BIRC6: variants seen among roughly 807,000 people sequenced by gnomAD.
The protein encoded by BIRC6 is dual E2 ubiquitin-conjugating enzyme/E3 ubiquitin-protein ligase BIRC6.
Under a neutral mutation model 503.3 loss-of-function variants are expected in BIRC6, and 98 were observed. That is an observed-to-expected ratio of 0.19 (90% confidence interval 0.17 to 0.23). BIRC6 has a LOEUF of 0.23. BIRC6 is among the 10% of genes least tolerant of loss of function. The pLI, the probability that BIRC6 is intolerant of heterozygous loss-of-function variation, is 1.00. For missense variants in BIRC6, 5,360 were observed against 5,806.0 expected (o/e 0.92, Z 2.50); for synonymous variants, 2,240 against 2,078.7 (o/e 1.08, Z -2.11).
Position 32,377,894 on chromosome 2 carries a change from T to C in BIRC6, c.507+125T>C. On this transcript the variant is annotated intron_variant, in intron 2 of 73. Transcript: ENST00000421745. ...ATATATTGCTATAAAAACAATTTAC[T>C]TATTGACCACAACTTCATTTAAATA... 5.2e-6 allele frequency: 4 copies of C among 769,882 alleles called. No individual in the cohort carries two copies. The South Asian group carries it at 7.1e-5, about 14-fold the overall frequency. The allele number at this position is 769,882 out of a possible 1,614,324, so 47.7% of individuals were successfully genotyped here. A position where few individuals can be genotyped will look rare whatever the true frequency, so the allele number is the denominator to read the frequency against.
chr2:32,409,150 G>T (rs2041575743), intron 9 of BIRC6, among the ~76,000 whole-genome samples: 1 of 150,600 alleles, frequency 6.6e-6, no homozygotes, highest in South Asian at 2.1e-4. Context: ...TTTATTTTCT[G>T]TTTTTTTTTG....
intron 66 of BIRC6, among the ~76,000 whole-genome samples, chr2:32,592,451 C>T (rs1297300753): frequency 2.0e-5 from 3 of 152,134 alleles, no homozygotes; most frequent in Non-Finnish European, 2.9e-5. Context: ...TTCATTTATT[C>T]TTCCTACCCA....
intron 65 of BIRC6, chr2:32,558,980 T>G (rs2058972704): frequency 6.6e-6 from 1 of 152,248 alleles, no homozygotes; most frequent in Admixed American, 6.5e-5. Flanking sequence ...TATGGTTATT[T>G]CTTTTGAATT....
rs1167762737 is a variant in BIRC6 at position 32,553,027 on chromosome 2, AAAAAC to A, written c.13144+3550_13144+3554del. 8.8e-3 allele frequency among the ~76,000 whole-genome samples: 1,314 copies of A among 149,524 alleles called. 16 individuals carry two copies. Among genetic ancestry groups the A allele is most frequent in the African/African-American group, 0.03 (1,253 of 41,138 alleles). On this transcript the variant is annotated intron_variant, in intron 65 of 73. Transcript: ENST00000421745. The stretch of plus-strand genomic sequence containing the variant: ...CATCATTTTATCTCTACTAAAAAAA[AAAAAC>A]AAACAAAAAACAAAATTAGCCAGAT...
intron 43 of BIRC6, 149 bp downstream of exon 43, chr2:32,490,300 C>T (rs1193778280): frequency 2.0e-5 from 13 of 646,546 alleles, no homozygotes; most frequent in Non-Finnish European, 2.9e-5. Flanking sequence ...GTAAACCCAG[C>T]ACTTTGGGAG....
intron 6 of BIRC6, among the ~76,000 whole-genome samples, chr2:32,400,633 G>A (rs1422223609): frequency 1.3e-5 from 2 of 151,956 alleles, no homozygotes; most frequent in African/African-American, 2.4e-5. Context: ...CACCGCACCC[G>A]GCTGCCTTCA....
chr2:32,493,152 C>T (rs2051961961), intron 44 of BIRC6, among the ~76,000 whole-genome samples: 1 of 151,572 alleles, frequency 6.6e-6, no homozygotes, highest in East Asian at 1.9e-4. Flanking sequence ...CTCTCTGCTC[C>T]TGAGTTATTT....
chr2:32,411,413 AT>A (rs2041860625), intron 9 of BIRC6, among the ~76,000 whole-genome samples: 1 of 146,488 alleles, frequency 6.8e-6, no homozygotes, highest in Non-Finnish European at 1.5e-5. Context: ...ATATATATAT[AT>A]ATATTTTATT....
At chr2:32,580,065 T>C (rs2060566014) in intron 66 of BIRC6, among the ~76,000 whole-genome samples, 1 of 151,998 alleles carries the variant, frequency 6.6e-6, no homozygotes, top group African/African-American at 2.4e-5. Context: ...GCAATTCTCT[T>C]GCTTCAGCCT....
rs1375645506 is a variant in BIRC6, at chr2:32,468,741, T to C, written c.6085T>C (p.Tyr2029His). The change falls in exon 29 of 74, where the codon TAT (tyrosine) becomes CAT (histidine). Residue 2029 changes from tyrosine to histidine, a missense_variant. Physicochemically the swap from Tyr to His is moderately conservative, Grantham distance 83. Coordinates refer to ENST00000421745, the MANE Select transcript of BIRC6 (RefSeq NM_016252.4). ...AGAGCAGTTACGTACTATCATCAGA[T>C]ATTTACTGGACACTTTGCTCAGCCT... ...STEQLRTIIR[Y>H]LLDTLLSLLH... The C allele has an allele frequency of 1.2e-6, 2 of 1,611,758 alleles. No homozygotes were observed. Among genetic ancestry groups the C allele is most frequent in the Admixed American group, 1.7e-5 (1 of 59,902 alleles).
chr2:32,460,113 G>A (rs926655701), intron 23 of BIRC6, among the ~76,000 whole-genome samples: 14 of 144,474 alleles, frequency 9.7e-5, no homozygotes, highest in African/African-American at 3.5e-4. Flanking sequence ...GGTAATAGTA[G>A]TACTCATCTT....
chr2:32,430,826 T>TTTTTTTTTC (rs1553421812), intron 11 of BIRC6, 39 bp from the exon 12 acceptor site: 1 of 936,836 alleles, frequency 1.1e-6, no homozygotes. Context: ...TTTTTTTTTT[T>TTTTTTTTTC]CCACACCTAT....
intron 62 of BIRC6, among the ~76,000 whole-genome samples, chr2:32,545,441 G>A (rs1382102343): frequency 1.3e-5 from 2 of 152,110 alleles, no homozygotes; most frequent in Middle Eastern, 6.8e-3. Context: ...TATGTATACC[G>A]TGTCTGACAG....
chr2:32,488,434 T>G (rs1249193240), intron 41 of BIRC6, among the ~76,000 whole-genome samples, 154 bp from the exon 42 acceptor site: 1 of 152,226 alleles, frequency 6.6e-6, no homozygotes, highest in Non-Finnish European at 1.5e-5. Flanking sequence ...TCAACTAATT[T>G]AATTAACTAG....
chr2:32,495,374 C>T (rs924801991), intron 45 of BIRC6, among the ~76,000 whole-genome samples: 38 of 152,154 alleles, frequency 2.5e-4, no homozygotes, highest in African/African-American at 8.9e-4. Context: ...GTCCACAAAG[C>T]TGTGGCCCAA....
intron 65 of BIRC6, 108 bp from the exon 66 acceptor site, chr2:32,575,048 G>C: frequency 8.4e-7 from 1 of 1,190,476 alleles, no homozygotes; most frequent in Admixed American, 1.8e-5. Flanking sequence ...GTGCCCAGCC[G>C]GGTCAGCTGT....
At chr2:32,606,569 G>A (rs574154493) in intron 71 of BIRC6, among the ~76,000 whole-genome samples, 33 of 152,210 alleles carry the variant, frequency 2.2e-4, no homozygotes, top group Non-Finnish European at 3.5e-4. Flanking sequence ...CTGCAGCCTG[G>A]GCAACAGAGC....
At chr2:32,535,214 G>T (rs1487494373) in intron 61 of BIRC6, among the ~76,000 whole-genome samples, 1 of 53,628 alleles carries the variant, frequency 1.9e-5, no homozygotes, top group African/African-American at 7.3e-5. Context: ...CAGCTATAAA[G>T]AAAATGACCT....
intron 72 of BIRC6, among the ~76,000 whole-genome samples, chr2:32,609,875 A>G (rs539272794): frequency 1.4e-4 from 21 of 152,312 alleles, no homozygotes; most frequent in Non-Finnish European, 2.4e-4. Context: ...GAGACAATCA[A>G]CTTTCTCATT....
Sources: gnomAD v4.1 joint callset for allele counts (sites outside exome capture counted in the v4.1 genomes callset) on GRCh38, gnomAD v4.1.1 for gene constraint, MANE v1.5 for transcripts, NCBI Gene and HGNC (gene_info 2026-07-23, HGNC 2026-07-21) for gene names.